Variants in NDEL1 observed in about 807,000 individuals in gnomAD.
NDEL1 encodes nuclear distribution protein nudE-like 1.
NDEL1 carries 9 observed loss-of-function variants against 45.7 expected under a neutral mutation model. The ratio of observed to expected loss-of-function variants is 0.20; its 90% CI spans 0.12 to 0.34. The LOEUF is 0.34. NDEL1 is among the 10% of genes least tolerant of loss of function. NDEL1 has a pLI of 1.00. For synonymous variants in NDEL1, 133 were observed against 158.6 expected, an observed-to-expected ratio of 0.84 and a Z score of 1.21; for missense variants, 306 against 406.2, an observed-to-expected ratio of 0.75 and a Z score of 2.12.
intron 1 of NDEL1, among the ~76,000 whole-genome samples, chr17:8,425,489 G>A (rs765497563): frequency 5.9e-5 from 9 of 152,186 alleles, no homozygotes; most frequent in Non-Finnish European, 1.0e-4. Context: ...GGCTGAGGTC[G>A]GGGGATCACC....
In NDEL1 at chr17:8,465,602, G is replaced by A. The variant is rs1361016632; in HGVS notation, c.945-1328G>A. The stretch of plus-strand genomic sequence containing the variant: ...GGTTATCCTCACCCCGTCAGTGTAC[G>A]AAACAGCTGTCTCTGCAGGGAGTGT... On this transcript the variant is annotated intron_variant, in intron 8 of 8. Coordinates refer to ENST00000334527, the MANE Select transcript of NDEL1 (RefSeq NM_030808.5). The surrounding 1 kb of genome is among the most constrained non-coding windows in gnomAD (Gnocchi z 4.9). 1 of 151,982 alleles carries A rather than the reference G, an allele frequency of 6.6e-6. No individual in the cohort carries two copies. The highest frequency in any genetic ancestry group is 2.4e-5 in the African/African-American group (1 of 41,362). The allele number at this position is 151,982 out of a possible 1,614,324, so 9.4% of individuals were successfully genotyped here.
At chr17:8,471,555 C>T (rs937876331), downstream of NDEL1, among the ~76,000 whole-genome samples, 10 of 152,192 alleles carry the variant, frequency 6.6e-5, no homozygotes, top group Non-Finnish European at 1.0e-4. Flanking sequence ...CGTTACCTCT[C>T]GAATAAGGCT....
In NDEL1 at chr17:8,467,403, T is replaced by C; in HGVS notation, c.*380T>C. 1 of 411,740 alleles carries C rather than the reference T, an allele frequency of 2.4e-6. No homozygotes were observed. Among genetic ancestry groups the C allele is most frequent in the Non-Finnish European group, 4.3e-6 (1 of 234,638 alleles). The allele number at this position is 411,740 out of a possible 1,614,324, so 25.5% of individuals were successfully genotyped here. On this transcript the variant is annotated 3_prime_UTR_variant, in exon 9 of 9. Transcript: ENST00000334527. This position sits in a 1 kb window ranked among gnomAD's most constrained non-coding sequence, Gnocchi z 6.3. ...GTGTTTTAGGACATTGCAAATCTTC[T>C]AGAAGTTCTCCCCCAAATCAGGTCA...
chr17:8,416,347 T>C (rs899665333), intron 1 of NDEL1, among the ~76,000 whole-genome samples: 3 of 152,216 alleles, frequency 2.0e-5, no homozygotes, highest in Admixed American at 1.3e-4. Flanking sequence ...TTTGGTGACA[T>C]GCATCTTCCA....
intron 3 of NDEL1, among the ~76,000 whole-genome samples, chr17:8,473,699 A>C (rs1012556032): frequency 2.0e-5 from 3 of 152,208 alleles, no homozygotes; most frequent in Admixed American, 6.5e-5. Flanking sequence ...CCTTACCCCC[A>C]GAACCAGTCT....
At chr17:8,444,615 G>T in intron 2 of NDEL1, 1 of 326,370 alleles carries the variant, frequency 3.1e-6, no homozygotes, top group Non-Finnish European at 5.7e-6. Flanking sequence ...CCTGTTCTAT[G>T]CTTTTTAGTA....
At chr17:8,447,982 C>CGGGGG (rs34891973) in intron 4 of NDEL1, among the ~76,000 whole-genome samples, 1 of 107,714 alleles carries the variant, frequency 9.3e-6, no homozygotes, top group African/African-American at 3.5e-5. Context: ...GGGAGGTGGG[C>CGGGGG]GGGGGGGGGG....
chr17:8,435,963 A>C lies in NDEL1; in HGVS notation c.-95A>C, dbSNP rs1409542418. 2.2e-6 allele frequency: 1 copy of C among 448,054 alleles called. No homozygotes were observed. The highest frequency in any genetic ancestry group is 1.6e-5 in the South Asian group (1 of 63,890). The allele number at this position is 448,054 out of a possible 1,614,324, so 27.8% of individuals were successfully genotyped here. A position where few individuals can be genotyped will look rare whatever the true frequency, so the allele number is the denominator to read the frequency against. On this transcript the variant is annotated 5_prime_UTR_variant, in exon 1 of 9. Coordinates refer to ENST00000334527, the MANE Select transcript of NDEL1 (RefSeq NM_030808.5). ...GGGGCTGCGTAGGGGAGCTGAGCCGAGCGGCTGGGCGGGCCTGGCCGGGCC... is the reference window on the plus strand; with the variant it reads ...GGGGCTGCGTAGGGGAGCTGAGCCGCGCGGCTGGGCGGGCCTGGCCGGGCC...
At chr17:8,428,889 G>A (rs1046337236) in intron 1 of NDEL1, among the ~76,000 whole-genome samples, 14 of 151,916 alleles carry the variant, frequency 9.2e-5, no homozygotes, top group South Asian at 4.2e-4. Flanking sequence ...TAGCCAAGAT[G>A]GTCTCGATCT....
chr17:8,422,268 G>A (rs990189192), intron 1 of NDEL1, among the ~76,000 whole-genome samples: 1 of 152,160 alleles, frequency 6.6e-6, no homozygotes, highest in African/African-American at 2.4e-5. Context: ...AAACAGCAAC[G>A]TGCTTGGAGA....
At chr17:8,429,851 A>G (rs1392173162) in intron 1 of NDEL1, among the ~76,000 whole-genome samples, 2 of 152,176 alleles carry the variant, frequency 1.3e-5, no homozygotes, top group Non-Finnish European at 2.9e-5. Context: ...TCTTATGGTT[A>G]TGTGTGGACT....
At chr17:8,446,159 A>C (rs528949115) in intron 3 of NDEL1, 7 of 209,354 alleles carry the variant, frequency 3.3e-5, no homozygotes, top group African/African-American at 1.6e-4. Context: ...GTTTTGACAG[A>C]TAGGTTGCCT....
intron 1 of NDEL1, among the ~76,000 whole-genome samples, chr17:8,423,614 G>A (rs1226991381): frequency 1.3e-5 from 2 of 152,138 alleles, no homozygotes; most frequent in African/African-American, 4.8e-5. Context: ...AACACAGGAG[G>A]CGAAGGTTGC....
intron 6 of NDEL1, among the ~76,000 whole-genome samples, chr17:8,452,211 A>G (rs943993182): frequency 1.3e-5 from 2 of 152,240 alleles, no homozygotes; most frequent in Admixed American, 1.3e-4. Context: ...TTTCACAATT[A>G]CACCTGAGGA....
chr17:8,446,666 T>TC (rs5819193), intron 3 of NDEL1, 88 bp from the exon 4 acceptor site: 1,247,366 of 1,262,214 alleles, frequency 0.99, 617,236 homozygotes, highest in Non-Finnish European at 1. Context: ...TTCCTTGGGT[T>TC]CCCCCCCACC....
At position 8,465,622 on chromosome 17, in the gene NDEL1, G is replaced by A. The variant is rs1309193233; in HGVS notation, c.945-1308G>A. The A allele has an allele frequency of 6.6e-6, 1 of 152,144 alleles. No individual in the cohort carries two copies. Among genetic ancestry groups the A allele is most frequent in the Non-Finnish European group, 1.5e-5 (1 of 68,028 alleles). The allele number at this position is 152,144 out of a possible 1,614,324, so 9.4% of individuals were successfully genotyped here. A position where few individuals can be genotyped will look rare whatever the true frequency, so the allele number is the denominator to read the frequency against. On this transcript the variant is annotated intron_variant, in intron 8 of 8. Coordinates refer to ENST00000334527, the MANE Select transcript of NDEL1 (RefSeq NM_030808.5). The surrounding 1 kb of genome is among the most constrained non-coding windows in gnomAD (Gnocchi z 4.9). Reference sequence around the variant, plus strand: ...TGTACGAAACAGCTGTCTCTGCAGGGAGTGTGTGTCGGCATTTTTTTTTTT... The same window carrying A: ...TGTACGAAACAGCTGTCTCTGCAGGAAGTGTGTGTCGGCATTTTTTTTTTT...
chr17:8,425,014 C>G (rs937260815), intron 1 of NDEL1, among the ~76,000 whole-genome samples: 1 of 152,180 alleles, frequency 6.6e-6, no homozygotes, highest in African/African-American at 2.4e-5. Context: ...AAACTGCTTA[C>G]CAAGAACTGT....
chr17:8,456,791 G>A (rs1344492748), intron 7 of NDEL1, among the ~76,000 whole-genome samples: 2 of 152,184 alleles, frequency 1.3e-5, no homozygotes, highest in African/African-American at 4.8e-5. Flanking sequence ...GAGCCACCAT[G>A]TCTGGCCAGT....
chr17:8,468,631 GAA>G (rs1911751610), downstream of NDEL1, among the ~76,000 whole-genome samples: 1 of 152,276 alleles, frequency 6.6e-6, no homozygotes, highest in Non-Finnish European at 1.5e-5. Flanking sequence ...ACACATTGAA[GAA>G]CGCGTAAACT....
Sources: allele counts gnomAD v4.1 joint callset (sites outside exome capture counted in the v4.1 genomes callset), GRCh38; gene constraint gnomAD v4.1.1; non-coding constraint Gnocchi (gnomAD v3.1); transcripts MANE v1.5; gene names NCBI Gene and HGNC (gene_info 2026-07-23, HGNC 2026-07-21).